Variants in EIF4E3 observed in about 807,000 individuals in gnomAD.
EIF4E3 encodes the protein eukaryotic translation initiation factor 4E family member 3.
In EIF4E3, 26 loss-of-function variants were observed where a neutral mutation model predicts 31.7. The ratio of observed to expected loss-of-function variants is 0.82; its 90% CI spans 0.60 to 1.14. The LOEUF (loss-of-function observed/expected upper bound fraction) is 1.14, where lower values mean the gene tolerates loss of function less well. EIF4E3 is among the 50% of genes most tolerant of loss of function. EIF4E3 has a pLI of 0.00. For synonymous variants in EIF4E3, 128 were observed against 107.7 expected, an observed-to-expected ratio of 1.19 and a Z score of -1.17; for missense variants, 304 against 270.9, an observed-to-expected ratio of 1.12 and a Z score of -0.86.
chr3:71,684,595 C>A lies in EIF4E3; in HGVS notation c.*87G>T. On this transcript the variant is annotated 3_prime_UTR_variant, in exon 7 of 7. Coordinates refer to ENST00000425534, the MANE Select transcript of EIF4E3 (RefSeq NM_001134651.2). ...ACTCTAAATTGACCAGCATCGGCTT[C>A]GGCAAGTCTTCTCTTCACTCTCCCT... The A allele has an allele frequency of 6.5e-7, 1 of 1,539,228 alleles. No individual in the cohort carries two copies. The highest frequency in any genetic ancestry group is 8.9e-7 in the Non-Finnish European group (1 of 1,117,428).
chr3:71,717,796 T>C (rs184963348), intron 1 of EIF4E3, among the ~76,000 whole-genome samples: 1 of 152,320 alleles, frequency 6.6e-6, no homozygotes, highest in East Asian at 1.9e-4. Context: ...TTCTCATCTG[T>C]AAAATGTTGC....
intron 1 of EIF4E3, among the ~76,000 whole-genome samples, chr3:71,733,556 A>G (rs2049729357): frequency 6.6e-6 from 1 of 152,206 alleles, no homozygotes; most frequent in South Asian, 2.1e-4. Context: ...GGAGGTTATG[A>G]GTCAGGCTGC....
chr3:71,683,903 T>C lies in EIF4E3; in HGVS notation c.*779A>G, dbSNP rs1003428091. ...ATTGGAAGAAATCCCTTGCTACCACTCTAAGCCTTTGGTTGAAAAGGCCAA... is the reference window on the plus strand; with the variant it reads ...ATTGGAAGAAATCCCTTGCTACCACCCTAAGCCTTTGGTTGAAAAGGCCAA... On this transcript the variant is annotated 3_prime_UTR_variant, in exon 7 of 7. Transcript: ENST00000425534. 3.3e-5 allele frequency: 5 copies of C among 152,208 alleles called. No individual in the cohort carries two copies. The highest frequency in any genetic ancestry group is 7.3e-5 in the Non-Finnish European group (5 of 68,036). 9.4% of individuals were successfully genotyped at this position (152,208 alleles called of 1,614,324 possible). A position where few individuals can be genotyped will look rare whatever the true frequency, so the allele number is the denominator to read the frequency against.
At chr3:71,752,086 T>G (rs2049934829) in intron 1 of EIF4E3, among the ~76,000 whole-genome samples, 1 of 152,208 alleles carries the variant, frequency 6.6e-6, no homozygotes, top group African/African-American at 2.4e-5. Flanking sequence ...TAGTTGATTT[T>G]CTTGAAAAAT....
intron 1 of EIF4E3, among the ~76,000 whole-genome samples, chr3:71,732,405 A>T (rs914581282): frequency 1.3e-4 from 13 of 98,734 alleles, no homozygotes; most frequent in East Asian, 4.2e-4. Flanking sequence ...TCCCTGATTT[A>T]AAAAAAAAAA....
Position 71,705,567 on chromosome 3 carries a change from C to A in EIF4E3, c.249+4845G>T, listed in dbSNP as rs73837562. Among the ~76,000 whole-genome samples, 274 of 152,212 alleles carry A rather than the reference C, an allele frequency of 1.8e-3. 1 individual carries two copies. The highest frequency in any genetic ancestry group is 6.5e-3 in the African/African-American group (271 of 41,522). ...TATAAGAAATACTGGGTAGAATGTACCACAAGTGAGATAGGTGTGGCAAAA... is the reference window on the plus strand; with the variant it reads ...TATAAGAAATACTGGGTAGAATGTAACACAAGTGAGATAGGTGTGGCAAAA... On this transcript the variant is annotated intron_variant, in intron 2 of 6. Transcript: ENST00000425534.
intron 1 of EIF4E3, among the ~76,000 whole-genome samples, chr3:71,735,129 C>T (rs370746420): frequency 4.0e-4 from 61 of 152,254 alleles, no homozygotes; most frequent in Middle Eastern, 3.4e-3. Context: ...TGAGGAATGA[C>T]GTTCCCCATC....
chr3:71,714,277 G>GGAAC, intron 1 of EIF4E3, among the ~76,000 whole-genome samples: 1 of 135,832 alleles, frequency 7.4e-6, no homozygotes, highest in Admixed American at 7.7e-5. Context: ...AAGGAAAGAA[G>GGAAC]GAAGGAAGGA....
In EIF4E3 at chr3:71,682,215, A is replaced by C. The variant is rs2048932543; in HGVS notation, c.*2467T>G. 6.6e-6 allele frequency: 1 copy of C among 152,254 alleles called. No individual in the cohort carries two copies. Among genetic ancestry groups the C allele is most frequent in the Non-Finnish European group, 1.5e-5 (1 of 68,044 alleles). The allele number at this position is 152,254 out of a possible 1,614,324, so 9.4% of individuals were successfully genotyped here. ...AATCAGATTTCCTGGCATATATCACAGACCCTAAGGAATTACAAAGACAAA... is the reference window on the plus strand; with the variant it reads ...AATCAGATTTCCTGGCATATATCACCGACCCTAAGGAATTACAAAGACAAA... On this transcript the variant is annotated 3_prime_UTR_variant, in exon 7 of 7. Coordinates refer to ENST00000425534, the MANE Select transcript of EIF4E3 (RefSeq NM_001134651.2).
intron 1 of EIF4E3, among the ~76,000 whole-genome samples, chr3:71,724,463 C>G (rs911504552): frequency 6.6e-6 from 1 of 152,114 alleles, no homozygotes; most frequent in Non-Finnish European, 1.5e-5. Flanking sequence ...AACGAGGGAG[C>G]AAGGTTTCTA....
chr3:71,692,378 T>C (rs2049074844), intron 5 of EIF4E3, among the ~76,000 whole-genome samples: 1 of 152,242 alleles, frequency 6.6e-6, no homozygotes, highest in Admixed American at 6.5e-5. Context: ...CAATTGGTCT[T>C]CTTTACTCAA....
intron 2 of EIF4E3, among the ~76,000 whole-genome samples, chr3:71,701,537 T>C (rs2049216621): frequency 6.6e-6 from 1 of 152,108 alleles, no homozygotes; most frequent in Non-Finnish European, 1.5e-5. Context: ...AAATAAGAAA[T>C]ATTGTTCTGT....
chr3:71,717,383 G>A (rs1178306387), intron 1 of EIF4E3, among the ~76,000 whole-genome samples: 2 of 152,186 alleles, frequency 1.3e-5, no homozygotes, highest in Non-Finnish European at 2.9e-5. Context: ...TGTCACAAGC[G>A]CATTTGTCAT....
downstream of EIF4E3, among the ~76,000 whole-genome samples, chr3:71,672,922 C>G (rs1446070629): frequency 2.6e-5 from 4 of 152,130 alleles, no homozygotes; most frequent in Non-Finnish European, 5.9e-5. Context: ...AAACATTTAG[C>G]CACTCCACAA....
At chr3:71,666,592 T>C in the EIF4E3 span, among the ~76,000 whole-genome samples, 1 of 152,150 alleles carries the variant, frequency 6.6e-6, no homozygotes, top group African/African-American at 2.4e-5. Flanking sequence ...TAACTCATTT[T>C]ATGAGGCCAG....
chr3:71,678,174 T>C lies in EIF4E3; in HGVS notation c.*6508A>G, dbSNP rs1379426033. ...CACCACACACACACTGGAAATCTAA[T>C]AATGATTAAGTGATGTGGTTGATTA... On this transcript the variant is annotated 3_prime_UTR_variant, in exon 7 of 7. Transcript: ENST00000425534. The C allele has an allele frequency of 6.6e-6, 1 of 152,206 alleles. No homozygotes were observed. Among genetic ancestry groups the C allele is most frequent in the East Asian group, 1.9e-4 (1 of 5,204 alleles). The allele number at this position is 152,206 out of a possible 1,614,324, so 9.4% of individuals were successfully genotyped here.
chr3:71,671,202 T>G (rs767649962), downstream of EIF4E3, among the ~76,000 whole-genome samples: 3 of 152,154 alleles, frequency 2.0e-5, no homozygotes, highest in Non-Finnish European at 4.4e-5. Flanking sequence ...AAAACTCAAG[T>G]GCCCTCTCTG....
chr3:71,713,233 T>G (rs1249389757), intron 1 of EIF4E3, among the ~76,000 whole-genome samples: 3 of 152,216 alleles, frequency 2.0e-5, no homozygotes, highest in Non-Finnish European at 1.5e-5. Flanking sequence ...AGGCTGGTAC[T>G]TAGAGAGGTT....
the EIF4E3 span, among the ~76,000 whole-genome samples, chr3:71,661,788 CCT>C: frequency 1.3e-5 from 2 of 152,152 alleles, no homozygotes; most frequent in Non-Finnish European, 1.5e-5. Context: ...CCACTCTGAG[CCT>C]CTGTTTCCTC....
Sources: allele counts gnomAD v4.1 joint callset (sites outside exome capture counted in the v4.1 genomes callset), GRCh38; gene constraint gnomAD v4.1.1; transcripts MANE v1.5; gene names NCBI Gene and HGNC (gene_info 2026-07-23, HGNC 2026-07-21).